Variants in TRPC4 observed in about 807,000 individuals in gnomAD.
The protein encoded by TRPC4 is short transient receptor potential channel 4.
A neutral mutation model predicts 99.4 loss-of-function variants in TRPC4; 49 were observed. That is an observed-to-expected ratio of 0.49 (90% CI 0.39 to 0.63). The LOEUF (loss-of-function observed/expected upper bound fraction) is 0.63, where lower values mean the gene tolerates loss of function less well. Ranked by LOEUF, TRPC4 falls within the 20% of genes least tolerant of loss-of-function variation. The pLI is 0.00. For missense variants in TRPC4, 898 were observed against 1,152.9 expected, an observed-to-expected ratio of 0.78 and a Z score of 3.20; for synonymous variants, 454 against 425.9, an observed-to-expected ratio of 1.07 and a Z score of -0.81.
intron 1 of TRPC4, among the ~76,000 whole-genome samples, chr13:37,835,317 A>G (rs896121653): frequency 6.6e-6 from 1 of 152,116 alleles, no homozygotes; most frequent in East Asian, 1.9e-4. Context: ...ATGACCTATG[A>G]ATGTCCAGTG....
intron 1 of TRPC4, among the ~76,000 whole-genome samples, chr13:37,851,124 C>T (rs1959042034): frequency 6.6e-6 from 1 of 152,102 alleles, no homozygotes; most frequent in Non-Finnish European, 1.5e-5. Flanking sequence ...CCACAGGCCC[C>T]ACAGGTCCTA....
At chr13:37,847,381 A>G (rs1958934717) in intron 1 of TRPC4, among the ~76,000 whole-genome samples, 1 of 152,128 alleles carries the variant, frequency 6.6e-6, no homozygotes, top group East Asian at 1.9e-4. Flanking sequence ...AATCAATAAT[A>G]GGAAAAAATC....
At chr13:37,791,022 A>G (rs1957104525) in intron 1 of TRPC4, among the ~76,000 whole-genome samples, 1 of 152,130 alleles carries the variant, frequency 6.6e-6, no homozygotes, top group Admixed American at 6.6e-5. Context: ...AAGGAATAAC[A>G]TTAGTCTAGT....
intron 4 of TRPC4, among the ~76,000 whole-genome samples, chr13:37,677,185 T>A (rs1036234681): frequency 1.3e-5 from 2 of 152,020 alleles, no homozygotes; most frequent in Non-Finnish European, 2.9e-5. Flanking sequence ...TTGTAAATAC[T>A]ATGGCATCCT....
chr13:37,823,152 T>C (rs1434067660), intron 1 of TRPC4, among the ~76,000 whole-genome samples: 3 of 150,510 alleles, frequency 2.0e-5, no homozygotes, highest in African/African-American at 7.3e-5. Context: ...TTGGAGTTCA[T>C]TGTAGATTCT....
intron 1 of TRPC4, among the ~76,000 whole-genome samples, chr13:37,802,412 C>T (rs891998824): frequency 5.3e-5 from 8 of 152,052 alleles, no homozygotes; most frequent in Admixed American, 3.3e-4. Flanking sequence ...AGTTGTTCCT[C>T]GTCTTTGATG....
At position 37,782,989 on chromosome 13, in the gene TRPC4, T is replaced by G; in HGVS notation, c.345A>C (p.Leu115Phe). Residue 115 changes from leucine to phenylalanine, a missense_variant, in exon 2 of 11, where the codon TTA becomes TTC. Leu to Phe is a conservative substitution (Grantham distance 22). Around this residue, in one of 3 missense-constraint regions of TRPC4, gnomAD observed 278 missense variants for 346.6 expected, o/e 0.80. Coordinates refer to ENST00000379705, the MANE Select transcript of TRPC4 (RefSeq NM_016179.4). ...CTCCACTAGGTTTTTTGTGGTTCAA[T>G]AACAGCTCAACAGCTCCGACGACTT... is the stretch of plus-strand genomic sequence containing the variant. ...RKEVVGAVELLLNHKKPSGEK... is the reference protein window; with the variant it reads ...RKEVVGAVELFLNHKKPSGEK... 6.4e-7 allele frequency: 1 copy of G among 1,567,344 alleles called. No individual in the cohort carries two copies. The highest frequency in any genetic ancestry group is 8.6e-7 in the Non-Finnish European group (1 of 1,156,082).
In TRPC4 at chr13:37,814,897, A is replaced by G. The variant is rs570174522; in HGVS notation, c.-27-31537T>C. Among the ~76,000 whole-genome samples the G allele has an allele frequency of 1.3e-4, 20 of 151,970 alleles. No individual in the cohort carries two copies. The East Asian group carries it at 2.9e-3, about 22-fold the overall frequency. ...AAACAATCTGATAAAACAGAAAAAA[A>G]TTTGGAGGACTTGCATTATCTGATT... On this transcript the variant is annotated intron_variant, in intron 1 of 10. Transcript: ENST00000379705.
intron 7 of TRPC4, among the ~76,000 whole-genome samples, chr13:37,652,445 A>T (rs1952078586): frequency 6.6e-6 from 1 of 152,212 alleles, no homozygotes. Context: ...TAATCCAGAT[A>T]TTGGACAGAC....
chr13:37,701,388 T>C (rs1175019407), intron 3 of TRPC4, among the ~76,000 whole-genome samples: 1 of 152,178 alleles, frequency 6.6e-6, no homozygotes, highest in Non-Finnish European at 1.5e-5. Flanking sequence ...ATCTCTCTCA[T>C]CTAGGTCTTT....
chr13:37,772,990 C>T (rs144883190), intron 2 of TRPC4, among the ~76,000 whole-genome samples: 1 of 151,896 alleles, frequency 6.6e-6, no homozygotes, highest in East Asian at 2.0e-4. Flanking sequence ...CCAGTCTCTT[C>T]CTACAACAAT....
rs566265929 is a variant in TRPC4, at chr13:37,758,579, A to G, written c.379-12124T>C. On this transcript the variant is annotated intron_variant, in intron 2 of 10. Transcript: ENST00000379705. ...TAAGATTAGAAAATAAAATATTAAG[A>G]AACAAGACAACCTGTTCCTGTTTGG... is the stretch of plus-strand genomic sequence containing the variant. 2.0e-5 allele frequency among the ~76,000 whole-genome samples: 3 copies of G among 151,936 alleles called. No homozygotes were observed. The South Asian group carries it at 6.2e-4, about 31-fold the overall frequency.
At chr13:37,659,559 A>G (rs939489163) in intron 6 of TRPC4, among the ~76,000 whole-genome samples, 7 of 152,214 alleles carry the variant, frequency 4.6e-5, no homozygotes, top group Non-Finnish European at 1.0e-4. Context: ...ATGTCAAGCT[A>G]AAGAATGTGG....
chr13:37,677,434 C>A (rs1037667156), intron 4 of TRPC4, among the ~76,000 whole-genome samples: 1 of 151,810 alleles, frequency 6.6e-6, no homozygotes, highest in Non-Finnish European at 1.5e-5. Flanking sequence ...AACTCTATCA[C>A]AATTCATCCA....
At chr13:37,704,139 T>G (rs1954192169) in intron 3 of TRPC4, among the ~76,000 whole-genome samples, 1 of 152,096 alleles carries the variant, frequency 6.6e-6, no homozygotes, top group Non-Finnish European at 1.5e-5. Context: ...ATAATCCCAT[T>G]TATATAAACT....
intron 1 of TRPC4, among the ~76,000 whole-genome samples, chr13:37,852,639 G>A (rs993699996): frequency 6.6e-6 from 1 of 152,138 alleles, no homozygotes. Context: ...GCACACAGTG[G>A]GGCAGAGCAA....
Position 37,829,679 on chromosome 13 carries a change from A to C in TRPC4, c.-28+39916T>G, listed in dbSNP as rs184882364. On this transcript the variant is annotated intron_variant, in intron 1 of 10. Transcript: ENST00000379705. ...AATTAAATGAAAATATATGTCACACAGAAATTTGTACGTGAATGTTTATAG... is the reference window on the plus strand; with the variant it reads ...AATTAAATGAAAATATATGTCACACCGAAATTTGTACGTGAATGTTTATAG... Among the ~76,000 whole-genome samples, 7 of 152,324 alleles carry C rather than the reference A, an allele frequency of 4.6e-5. No individual in the cohort carries two copies. In the East Asian group the frequency reaches 1.4e-3, roughly 29 times the overall value.
intron 6 of TRPC4, among the ~76,000 whole-genome samples, chr13:37,657,685 T>A (rs1000969178): frequency 2.0e-5 from 3 of 152,128 alleles, no homozygotes; most frequent in African/African-American, 7.2e-5. Flanking sequence ...ATAAAAACAA[T>A]GATGCAGAAT....
intron 3 of TRPC4, among the ~76,000 whole-genome samples, chr13:37,740,977 A>G (rs1955572121): frequency 6.6e-6 from 1 of 152,194 alleles, no homozygotes; most frequent in East Asian, 1.9e-4. Flanking sequence ...AACCCAAATT[A>G]GTTCCAAAAT....
Sources: allele counts gnomAD v4.1 joint callset (sites outside exome capture counted in the v4.1 genomes callset), GRCh38; gene constraint gnomAD v4.1.1; regional missense constraint gnomAD v4.1.1; transcripts MANE v1.5; gene names NCBI Gene and HGNC (gene_info 2026-07-23, HGNC 2026-07-21).